Variants in INTS4 observed in about 807,000 individuals in gnomAD.
INTS4 encodes the protein MSTP093.
A neutral mutation model predicts 119.5 loss-of-function variants in INTS4; 70 were observed. The ratio of observed to expected loss-of-function variants is 0.59; its 90% CI spans 0.48 to 0.71. The LOEUF (loss-of-function observed/expected upper bound fraction) is 0.71, where lower values mean the gene tolerates loss of function less well. Among genes scored for constraint, INTS4 ranks in the 30% least tolerant of loss-of-function variants. The pLI is 0.00. For missense variants in INTS4, 867 were observed against 1,173.2 expected (o/e 0.74, Z 3.81); for synonymous variants, 316 against 419.6 (o/e 0.75, Z 3.02).
intron 1 of INTS4, among the ~76,000 whole-genome samples, chr11:77,994,384 T>C (rs1856816201): frequency 6.6e-6 from 1 of 152,168 alleles, no homozygotes. Context: ...TCCTAATAAT[T>C]TTTTTAAAAT....
At chr11:77,886,590 T>A (rs1952018519) in intron 21 of INTS4, among the ~76,000 whole-genome samples, 1 of 152,086 alleles carries the variant, frequency 6.6e-6, no homozygotes, top group South Asian at 2.1e-4. Flanking sequence ...CGCACATGAA[T>A]GGATGAACGA....
intron 17 of INTS4, among the ~76,000 whole-genome samples, chr11:77,902,541 T>C (rs1413664939): frequency 5.3e-5 from 8 of 152,360 alleles, no homozygotes; most frequent in African/African-American, 1.2e-4. Context: ...GTATTACCTA[T>C]AGCTCTATGA....
rs757869752 is a variant in INTS4, at chr11:77,879,140, T to C, written c.2714-13A>G. ...ACCTGGCATGCCTCTGAAAAAAAGA[T>C]AAAAGAAATCCTCTATAACTAGGCA... On this transcript the variant is annotated splice_polypyrimidine_tract_variant and intron_variant, in intron 22 of 22. Transcript: ENST00000534064. 75 of 1,613,566 alleles carry C rather than the reference T, an allele frequency of 4.6e-5. No homozygotes were observed. The highest frequency in any genetic ancestry group is 6.3e-5 in the Non-Finnish European group (74 of 1,179,794).
At chr11:77,897,671 TTTTTTTTTTA>T (rs1952588072) in intron 18 of INTS4, among the ~76,000 whole-genome samples, 1 of 151,104 alleles carries the variant, frequency 6.6e-6, no homozygotes, top group Non-Finnish European at 1.5e-5. Context: ...CGGCTAATTT[TTTTTTTTTTA>T]TTTTTAGTAG....
chr11:77,883,094 A>AATAATG, intron 22 of INTS4, among the ~76,000 whole-genome samples: 1 of 151,652 alleles, frequency 6.6e-6, no homozygotes, highest in South Asian at 2.1e-4. Flanking sequence ...TAATAATAAT[A>AATAATG]ATAATAGCCT....
Position 77,979,669 on chromosome 11 carries a change from A to G in INTS4, c.365-567T>C, listed in dbSNP as rs561399648. Among the ~76,000 whole-genome samples, 40 of 148,372 alleles carry G rather than the reference A, an allele frequency of 2.7e-4. No individual in the cohort carries two copies. The Admixed American group carries it at 2.7e-3, about 10-fold the overall frequency. On this transcript the variant is annotated intron_variant, in intron 3 of 22. Transcript: ENST00000534064. ...TTGACTGATTCAAGAGTTTTTTCAC[A>G]CTAAGAAACAGAAAAAAAAAAAAAA... is the stretch of plus-strand genomic sequence containing the variant.
rs566340074 is a variant in INTS4, at chr11:77,972,094, TCTC to T, written c.471+6899_471+6901del. On this transcript the variant is annotated intron_variant, in intron 4 of 22. Transcript: ENST00000534064. The stretch of plus-strand genomic sequence containing the variant: ...ACCAAAGACACATGAGTTTATTTCT[TCTC>T]CTTCTTCTTCTTTTGTTAGAGACAG... Among the ~76,000 whole-genome samples the T allele has an allele frequency of 4.6e-5, 7 of 152,240 alleles. No homozygotes were observed. In the East Asian group the frequency reaches 1.2e-3, roughly 25 times the overall value.
At chr11:77,951,331 C>T (rs1954189795) in intron 8 of INTS4, among the ~76,000 whole-genome samples, 1 of 152,200 alleles carries the variant, frequency 6.6e-6, no homozygotes, top group African/African-American at 2.4e-5. Context: ...ACCAATGGAA[C>T]AGAACAGAAC....
intron 2 of INTS4, among the ~76,000 whole-genome samples, chr11:77,986,764 ACT>A (rs1046632326): frequency 2.7e-4 from 40 of 150,512 alleles, no homozygotes; most frequent in African/African-American, 9.8e-4. Context: ...GCATGTTCTC[ACT>A]CATAGGTGGG....
At chr11:77,883,176 A>G (rs1951860059) in intron 22 of INTS4, among the ~76,000 whole-genome samples, 1 of 152,166 alleles carries the variant, frequency 6.6e-6, no homozygotes, top group East Asian at 1.9e-4. Context: ...AAAATAAACC[A>G]AATTTGGTGG....
At chr11:77,904,744 C>T (rs1488576016) in intron 16 of INTS4, among the ~76,000 whole-genome samples, 1 of 152,114 alleles carries the variant, frequency 6.6e-6, no homozygotes, top group Admixed American at 6.5e-5. Context: ...AGATCATAAT[C>T]CCAAAACATA....
intron 8 of INTS4, among the ~76,000 whole-genome samples, chr11:77,950,485 G>C (rs1231465257): frequency 6.6e-6 from 1 of 152,024 alleles, no homozygotes; most frequent in African/African-American, 2.4e-5. Flanking sequence ...ACAATGAAGA[G>C]AAATAAATTC....
intron 11 of INTS4, among the ~76,000 whole-genome samples, chr11:77,925,216 G>T (rs1164062639): frequency 6.6e-6 from 1 of 152,106 alleles, no homozygotes; most frequent in South Asian, 2.1e-4. Context: ...GCTGGGAATG[G>T]CCAGTTAGCA....
intron 7 of INTS4, 118 bp from the exon 8 acceptor site, chr11:77,956,180 A>T: frequency 8.5e-7 from 1 of 1,171,350 alleles, no homozygotes; most frequent in Admixed American, 2.7e-5. Flanking sequence ...AGGCCCAGGC[A>T]GGTAGATTGC....
chr11:77,890,070 C>T (rs576213624), intron 21 of INTS4, among the ~76,000 whole-genome samples: 2 of 152,290 alleles, frequency 1.3e-5, no homozygotes, highest in South Asian at 4.1e-4. Flanking sequence ...TGTAGGCTGA[C>T]ACCTATTCAT....
At chr11:77,909,937 G>C (rs1400716233) in intron 15 of INTS4, among the ~76,000 whole-genome samples, 1 of 152,158 alleles carries the variant, frequency 6.6e-6, no homozygotes, top group African/African-American at 2.4e-5. Context: ...AAAAAGTCAG[G>C]AATCAACACG....
chr11:77,994,222 CT>C (rs1856808971), intron 1 of INTS4, among the ~76,000 whole-genome samples: 1 of 152,048 alleles, frequency 6.6e-6, no homozygotes, highest in Admixed American at 6.6e-5. Flanking sequence ...GGCTCTGCTG[CT>C]AACTGGCTGT....
At chr11:77,900,122 T>TG (rs1341450881) in intron 18 of INTS4, among the ~76,000 whole-genome samples, 1 of 151,614 alleles carries the variant, frequency 6.6e-6, no homozygotes, top group Non-Finnish European at 1.5e-5. Flanking sequence ...TATATAAAGA[T>TG]GGAGTCTTGC....
Position 77,979,109 on chromosome 11 carries a change from A to G in INTS4, c.365-7T>C, listed in dbSNP as rs1856081058. On this transcript the variant is annotated splice_polypyrimidine_tract_variant and splice_region_variant and intron_variant, in intron 3 of 22. Transcript: ENST00000534064. ...GCTAGGACTTGATGAGACTCTAGAG[A>G]GGGAGATAGAAAGTTGGCTTGTAGA... is the stretch of plus-strand genomic sequence containing the variant. 1.9e-6 allele frequency: 3 copies of G among 1,563,448 alleles called. No homozygotes were observed. The highest frequency in any genetic ancestry group is 1.1e-5 in the South Asian group (1 of 90,048).
Sources: allele counts gnomAD v4.1 joint callset (sites outside exome capture counted in the v4.1 genomes callset), GRCh38; gene constraint gnomAD v4.1.1; transcripts MANE v1.5; gene names NCBI Gene and HGNC (gene_info 2026-07-23, HGNC 2026-07-21).